ZMIZ1: variants seen among roughly 807,000 people sequenced by gnomAD.
The protein encoded by ZMIZ1 is zinc finger MIZ domain-containing protein 1.
A neutral mutation model predicts 113.9 loss-of-function variants in ZMIZ1; 17 were observed. The observed-to-expected ratio is 0.15, with a 90% CI of 0.10 to 0.22. The LOEUF is 0.22. Among genes scored for constraint, ZMIZ1 ranks in the 10% least tolerant of loss-of-function variants. The pLI is 1.00. For missense variants in ZMIZ1, 1,059 were observed against 1,477.8 expected, an observed-to-expected ratio of 0.72 and a Z score of 4.65; for synonymous variants, 607 against 603.1, an observed-to-expected ratio of 1.01 and a Z score of -0.09.
chr10:79,232,386 G>A (rs760131325), intron 7 of ZMIZ1, among the ~76,000 whole-genome samples: 8 of 152,130 alleles, frequency 5.3e-5, no homozygotes, highest in Non-Finnish European at 1.2e-4. Context: ...GAAGCAGGAG[G>A]ACGGTGTATT....
chr10:79,204,252 C>A (rs777036240), intron 5 of ZMIZ1, among the ~76,000 whole-genome samples: 1 of 152,196 alleles, frequency 6.6e-6, no homozygotes, highest in African/African-American at 2.4e-5. Context: ...CCTTTGCTGG[C>A]GTTCACCAAC....
At chr10:79,262,216 G>A (rs1851312191) in intron 7 of ZMIZ1, among the ~76,000 whole-genome samples, 2 of 152,240 alleles carry the variant, frequency 1.3e-5, no homozygotes, top group Non-Finnish European at 2.9e-5. Flanking sequence ...TTCTCAAAGT[G>A]GGGTCCCCAG....
At chr10:79,290,466 G>A (rs1367583513) in intron 9 of ZMIZ1, among the ~76,000 whole-genome samples, 1 of 152,210 alleles carries the variant, frequency 6.6e-6, no homozygotes, top group Non-Finnish European at 1.5e-5. Context: ...CCACTGGGCT[G>A]ACCGGTTGTC....
At chr10:79,194,326 C>T (rs925983005) in intron 4 of ZMIZ1, among the ~76,000 whole-genome samples, 10 of 152,278 alleles carry the variant, frequency 6.6e-5, no homozygotes, top group African/African-American at 1.9e-4. Flanking sequence ...CCTATGCACA[C>T]GTGTGCTGTG....
intron 5 of ZMIZ1, among the ~76,000 whole-genome samples, chr10:79,203,515 C>T (rs1848185309): frequency 1.3e-5 from 2 of 152,182 alleles, no homozygotes; most frequent in Non-Finnish European, 1.5e-5. Context: ...CCACCCTTGG[C>T]TCAGCTGGCA....
At chr10:79,182,958 G>C (rs1356966393) in intron 4 of ZMIZ1, among the ~76,000 whole-genome samples, 1 of 152,254 alleles carries the variant, frequency 6.6e-6, no homozygotes, top group Non-Finnish European at 1.5e-5. Context: ...GAGTAGGGCA[G>C]TTAGTATGGT....
chr10:79,247,368 G>A (rs1739930309), intron 7 of ZMIZ1, among the ~76,000 whole-genome samples: 1 of 152,160 alleles, frequency 6.6e-6, no homozygotes, highest in African/African-American at 2.4e-5. Context: ...TGTTCCCCAG[G>A]ATCTGATGGG....
intron 7 of ZMIZ1, among the ~76,000 whole-genome samples, chr10:79,221,957 A>G (rs180714635): frequency 1.3e-5 from 2 of 152,348 alleles, no homozygotes; most frequent in East Asian, 3.9e-4. Flanking sequence ...GCAAAGTCAA[A>G]ACGCAGAGAG....
intron 1 of ZMIZ1, among the ~76,000 whole-genome samples, chr10:79,085,695 A>G (rs191675686): frequency 1.1e-4 from 17 of 152,268 alleles, no homozygotes; most frequent in African/African-American, 4.1e-4. Context: ...GCTTCAGCCC[A>G]AGAGATGCCC....
At chr10:79,245,215 C>T (rs575409228) in intron 7 of ZMIZ1, among the ~76,000 whole-genome samples, 197 of 152,340 alleles carry the variant, frequency 1.3e-3, no homozygotes, top group Middle Eastern at 3.4e-3. Context: ...CCCTGTGCCT[C>T]TCTCATGCCT....
intron 1 of ZMIZ1, among the ~76,000 whole-genome samples, chr10:79,094,457 G>A (rs765860943): frequency 3.3e-5 from 5 of 152,226 alleles, no homozygotes; most frequent in East Asian, 1.9e-4. Context: ...TGCCACTGTC[G>A]GTTACTTTGG....
intron 7 of ZMIZ1, among the ~76,000 whole-genome samples, chr10:79,222,817 C>A (rs1849035072): frequency 6.6e-6 from 1 of 152,154 alleles, no homozygotes; most frequent in African/African-American, 2.4e-5. Context: ...AGACCCTGAC[C>A]CCAAGGGCCC....
At chr10:79,286,337 G>A (rs1171319862) in intron 8 of ZMIZ1, among the ~76,000 whole-genome samples, 1 of 152,202 alleles carries the variant, frequency 6.6e-6, no homozygotes, top group Admixed American at 6.5e-5. Context: ...TTGAGTCTAG[G>A]CAGTGGCGTC....
At chr10:79,234,236 A>G (rs1433693064) in intron 7 of ZMIZ1, among the ~76,000 whole-genome samples, 1 of 152,192 alleles carries the variant, frequency 6.6e-6, no homozygotes, top group African/African-American at 2.4e-5. Context: ...CCAGGACACC[A>G]GTCTGCTGGG....
At chr10:79,170,661 T>G (rs1293174589) in intron 4 of ZMIZ1, among the ~76,000 whole-genome samples, 1 of 152,212 alleles carries the variant, frequency 6.6e-6, no homozygotes, top group African/African-American at 2.4e-5. Context: ...CTCTGAGGCA[T>G]CTGGGAGCCT....
intron 1 of ZMIZ1, among the ~76,000 whole-genome samples, chr10:79,078,717 G>GTTTTTT (rs781149546): frequency 3.7e-5 from 2 of 53,898 alleles, no homozygotes; most frequent in African/African-American, 1.6e-4. Flanking sequence ...GCTAATTTTT[G>GTTTTTT]TATTTTTTTT....
intron 24 of ZMIZ1, 119 bp downstream of exon 24, chr10:79,311,303 G>GT: frequency 1.2e-6 from 1 of 864,818 alleles, no homozygotes. Context: ...GTGGGCGGTG[G>GT]GAGGGCTTCA....
At chr10:79,135,485 G>A (rs1235594438) in intron 2 of ZMIZ1, among the ~76,000 whole-genome samples, 2 of 152,248 alleles carry the variant, frequency 1.3e-5, no homozygotes, top group African/African-American at 4.8e-5. Context: ...CACCAGTTGC[G>A]AGTGTGTCAC....
At chr10:79,187,478 TGCTGG>T (rs1564706734) in intron 4 of ZMIZ1, among the ~76,000 whole-genome samples, 2 of 152,216 alleles carry the variant, frequency 1.3e-5, no homozygotes, top group East Asian at 3.9e-4. Context: ...GTGCCCACTT[TGCTGG>T]GCTGGAGTGA....
Sources: gnomAD v4.1 joint callset for allele counts (sites outside exome capture counted in the v4.1 genomes callset) on GRCh38, gnomAD v4.1.1 for gene constraint, MANE v1.5 for transcripts, NCBI Gene and HGNC (gene_info 2026-07-23, HGNC 2026-07-21) for gene names.